The following DPY19L1 variants were observed in gnomAD, a reference collection of about 807,000 sequenced individuals.
DPY19L1 encodes protein C-mannosyl-transferase DPY19L1.
In DPY19L1, 35 loss-of-function variants were observed where a neutral mutation model predicts 96.9. The ratio of observed to expected loss-of-function variants is 0.36; its 90% confidence interval spans 0.28 to 0.48. The LOEUF (loss-of-function observed/expected upper bound fraction) is 0.48, where lower values mean the gene tolerates loss of function less well. Among genes scored for constraint, DPY19L1 ranks in the 20% least tolerant of loss-of-function variants. The pLI is 0.99. For synonymous variants in DPY19L1, 205 were observed against 252.6 expected, an observed-to-expected ratio of 0.81 and a Z score of 1.79; for missense variants, 521 against 777.9, an observed-to-expected ratio of 0.67 and a Z score of 3.93.
chr7:34,991,013 G>A (rs1232914057), intron 6 of DPY19L1, among the ~76,000 whole-genome samples: 2 of 152,238 alleles, frequency 1.3e-5, no homozygotes, highest in Admixed American at 1.3e-4. Context: ...TATCCAGAAG[G>A]AGACAGGTAG....
intron 18 of DPY19L1, 70 bp downstream of exon 18, chr7:34,941,695 T>C: frequency 2.0e-6 from 3 of 1,476,700 alleles, no homozygotes; most frequent in Non-Finnish European, 2.8e-6. Flanking sequence ...TTGTAATTCA[T>C]TATTTTAGGG....
intron 11 of DPY19L1, among the ~76,000 whole-genome samples, chr7:34,957,011 A>T (rs1448837773): frequency 2.0e-5 from 3 of 152,214 alleles, no homozygotes; most frequent in African/African-American, 7.2e-5. Flanking sequence ...AAGGAATAAC[A>T]AGTCTGCAAA....
chr7:34,961,484 T>A (rs1209793052), intron 10 of DPY19L1, among the ~76,000 whole-genome samples: 1 of 152,162 alleles, frequency 6.6e-6, no homozygotes, highest in African/African-American at 2.4e-5. Flanking sequence ...ACACCCTTCA[T>A]GAAAACTAAC....
intron 4 of DPY19L1, among the ~76,000 whole-genome samples, chr7:35,013,188 C>T (rs2128678624): frequency 6.6e-6 from 1 of 152,264 alleles, no homozygotes; most frequent in African/African-American, 2.4e-5. Flanking sequence ...GTCATCTCCA[C>T]TTGCTGGATT....
At position 35,001,098 on chromosome 7, in the gene DPY19L1, T is replaced by C. The variant is rs1400828084; in HGVS notation, c.764+9370A>G. ...TCTATAAAGCGGTTTACCTATCTCA[T>C]GGGAAAACCATATGGATTAAATGAG... On this transcript the variant is annotated intron_variant, in intron 6 of 21. Transcript: ENST00000638088. Among the ~76,000 whole-genome samples, 15 of 152,320 alleles carry C rather than the reference T, an allele frequency of 9.8e-5. 1 individual carries two copies. The highest frequency in any genetic ancestry group is 3.4e-3 in the Middle Eastern group (1 of 294).
At chr7:34,941,593 AAAG>A in intron 18 of DPY19L1, among the ~76,000 whole-genome samples, 169 bp downstream of exon 18, 1 of 152,346 alleles carries the variant, frequency 6.6e-6, no homozygotes, top group East Asian at 1.9e-4. Context: ...AAATCTTTAG[AAAG>A]ATAGAAAATG....
chr7:34,997,436 C>CAAAAAAAAA (rs397836742), intron 6 of DPY19L1, among the ~76,000 whole-genome samples: 102 of 91,792 alleles, frequency 1.1e-3, no homozygotes, highest in East Asian at 2.0e-3. Flanking sequence ...ACTAAAAATA[C>CAAAAAAAAA]AAAAAAAAAA....
intron 7 of DPY19L1, among the ~76,000 whole-genome samples, chr7:34,982,371 C>T (rs1050441877): frequency 2.6e-5 from 4 of 152,130 alleles, no homozygotes; most frequent in East Asian, 1.9e-4. Context: ...CATTTTCAAA[C>T]GGATTAGAAA....
chr7:34,948,259 G>C (rs993457157), intron 14 of DPY19L1, among the ~76,000 whole-genome samples: 8 of 152,142 alleles, frequency 5.3e-5, no homozygotes, highest in South Asian at 4.1e-4. Context: ...AAAAACCACT[G>C]TTAAAATTTT....
intron 8 of DPY19L1, 133 bp downstream of exon 8, chr7:34,973,381 T>C (rs1322264954): frequency 2.1e-6 from 1 of 468,600 alleles, no homozygotes; most frequent in East Asian, 3.8e-5. Flanking sequence ...TAAGTTACAC[T>C]CTTATAATAT....
intron 7 of DPY19L1, among the ~76,000 whole-genome samples, chr7:34,987,785 G>T (rs1785082415): frequency 6.6e-6 from 1 of 151,872 alleles, no homozygotes; most frequent in Admixed American, 6.6e-5. Flanking sequence ...AGGGTCTGAA[G>T]ATCTCATTAC....
At chr7:34,937,844 G>T in intron 21 of DPY19L1, 150 bp downstream of exon 21, 2 of 739,646 alleles carry the variant, frequency 2.7e-6, no homozygotes, top group Non-Finnish European at 4.1e-6. Flanking sequence ...GGGCAACAGA[G>T]TGAGAGCCTG....
chr7:34,989,976 A>T, intron 6 of DPY19L1, 35 bp from the exon 7 acceptor site: 3 of 1,576,530 alleles, frequency 1.9e-6, no homozygotes, highest in Non-Finnish European at 2.6e-6. Flanking sequence ...AAATAACAAA[A>T]ATTCAGGTCA....
At chr7:35,037,712 C>G, upstream of DPY19L1, 1 of 629,818 alleles carries the variant, frequency 1.6e-6, no homozygotes, top group Non-Finnish European at 2.0e-6. Context: ...CGGCCCCGCC[C>G]CCGCCGCCCC....
intron 1 of DPY19L1, among the ~76,000 whole-genome samples, chr7:35,032,173 G>C (rs1273079074): frequency 6.6e-6 from 1 of 152,034 alleles, no homozygotes; most frequent in Non-Finnish European, 1.5e-5. Context: ...AAAATGTTAG[G>C]GTTTCTCAGA....
intron 6 of DPY19L1, among the ~76,000 whole-genome samples, chr7:35,007,900 T>C (rs978331414): frequency 2.0e-5 from 3 of 152,096 alleles, no homozygotes; most frequent in Admixed American, 1.3e-4. Flanking sequence ...TTTGTACTTA[T>C]TTCACTTGCT....
At chr7:34,944,221 G>A (rs919947229) in intron 16 of DPY19L1, among the ~76,000 whole-genome samples, 2 of 151,732 alleles carry the variant, frequency 1.3e-5, no homozygotes, top group African/African-American at 4.8e-5. Flanking sequence ...AAATTAGCTG[G>A]GCGTGGTGGT....
intron 10 of DPY19L1, among the ~76,000 whole-genome samples, chr7:34,962,345 G>A (rs1486611483): frequency 1.3e-5 from 2 of 152,292 alleles, no homozygotes; most frequent in East Asian, 3.9e-4. Context: ...AAGCCAATAC[G>A]AAAAGGCTAC....
rs1354961281 is a variant in DPY19L1 at position 34,942,933 on chromosome 7, C to G, written c.1545-294G>C. ...AGCTCCCTCACTGGTGATACCCCAG[C>G]AAAGCATGGAATGAAAAAAACCTTT... On this transcript the variant is annotated intron_variant, in intron 16 of 21. Transcript: ENST00000638088. Among the ~76,000 whole-genome samples, 11 of 152,242 alleles carry G rather than the reference C, an allele frequency of 7.2e-5. No homozygotes were observed. The East Asian group carries it at 1.7e-3, about 24-fold the overall frequency.
Sources: gnomAD v4.1 joint callset for allele counts (sites outside exome capture counted in the v4.1 genomes callset) on GRCh38, gnomAD v4.1.1 for gene constraint, MANE v1.5 for transcripts, NCBI Gene and HGNC (gene_info 2026-07-23, HGNC 2026-07-21) for gene names.